Variants in ZDHHC11B observed in about 807,000 individuals in gnomAD.
ZDHHC11B encodes zDHHC palmitoyltransferase 11B (putative).
In ZDHHC11B, 17 loss-of-function variants were observed where a neutral mutation model predicts 42.3. That is an observed-to-expected ratio of 0.40 (90% CI 0.27 to 0.60). The LOEUF (loss-of-function observed/expected upper bound fraction) is 0.60. ZDHHC11B is among the 20% of genes least tolerant of loss of function. ZDHHC11B has a pLI of 0.41. For synonymous variants in ZDHHC11B, 123 were observed against 193.5 expected (o/e 0.64, Z 3.02); for missense variants, 262 against 463.2 (o/e 0.57, Z 3.99).
At chr5:737,149 G>A (rs1189588716) in intron 10 of ZDHHC11B, among the ~76,000 whole-genome samples, 2 of 149,192 alleles carry the variant, frequency 1.3e-5, no homozygotes, top group African/African-American at 2.5e-5. Flanking sequence ...TGATACCACA[G>A]GAATACAAAA....
intron 8 of ZDHHC11B, among the ~76,000 whole-genome samples, chr5:745,708 CTCTG>C (rs1339301591): frequency 2.0e-5 from 3 of 150,106 alleles, no homozygotes. Flanking sequence ...GGAGGGGCCG[CTCTG>C]TCTGAGGGTC....
intron 4 of ZDHHC11B, among the ~76,000 whole-genome samples, chr5:758,998 G>A (rs1484919019): frequency 6.6e-6 from 1 of 151,886 alleles, no homozygotes; most frequent in Non-Finnish European, 1.5e-5. Context: ...GGATAGAGAT[G>A]ACACGGAGCA....
intron 5 of ZDHHC11B, 48 bp downstream of exon 5, chr5:755,918 T>C: frequency 1.5e-6 from 1 of 651,240 alleles, no homozygotes; most frequent in Non-Finnish European, 2.4e-6. Flanking sequence ...ACCAGGACCC[T>C]GGAGGTGACC....
At chr5:776,106 C>T (rs55949966) in intron 1 of ZDHHC11B, among the ~76,000 whole-genome samples, 16 of 149,752 alleles carry the variant, frequency 1.1e-4, no homozygotes, top group African/African-American at 2.7e-4. Context: ...ACCCTCCACC[C>T]CAGGCTGGCT....
Position 766,609 on chromosome 5 carries a change from C to T in ZDHHC11B, c.222+89G>A, listed in dbSNP as rs1735418859. On this transcript the variant is annotated intron_variant, in intron 4 of 13. Coordinates refer to ENST00000508859, the MANE Select transcript of ZDHHC11B (RefSeq NM_001351303.2). ...AGGACAGGTGACTGGTGCCACCGGGCAGCCATGGCCCAGACCCCACAGCCA... is the reference window on the plus strand; with the variant it reads ...AGGACAGGTGACTGGTGCCACCGGGTAGCCATGGCCCAGACCCCACAGCCA... 5 of 1,363,364 alleles carry T rather than the reference C, an allele frequency of 3.7e-6. No individual in the cohort carries two copies. The Admixed American group carries it at 6.3e-5, about 17-fold the overall frequency. The allele number at this position is 1,363,364 out of a possible 1,614,324, so 84.5% of individuals were successfully genotyped here.
rs1735234815 is a variant in ZDHHC11B, at chr5:765,814, A to G, written c.222+884T>C. ...ACATCAGAAGGAACAAACTCCAGAC[A>G]CGCCGCCTTTAAGAACTGTAACACT... On this transcript the variant is annotated intron_variant, in intron 4 of 13. Coordinates refer to ENST00000508859, the MANE Select transcript of ZDHHC11B (RefSeq NM_001351303.2). Among the ~76,000 whole-genome samples, 2 of 152,000 alleles carry G rather than the reference A, an allele frequency of 1.3e-5. 1 individual carries two copies. Among genetic ancestry groups the G allele is most frequent in the South Asian group, 4.2e-4 (2 of 4,794 alleles).
intron 4 of ZDHHC11B, among the ~76,000 whole-genome samples, chr5:760,224 C>A (rs1361535875): frequency 6.6e-6 from 1 of 151,860 alleles, no homozygotes; most frequent in East Asian, 1.9e-4. Context: ...CTCGATCCCC[C>A]ACATAGGTCC....
chr5:736,545 C>A (rs1487653231), intron 10 of ZDHHC11B, among the ~76,000 whole-genome samples: 1 of 148,616 alleles, frequency 6.7e-6, no homozygotes, highest in Non-Finnish European at 1.5e-5. Context: ...ATGGAAAATT[C>A]TCCAAGATAC....
intron 1 of ZDHHC11B, among the ~76,000 whole-genome samples, chr5:771,095 G>T (rs1267522130): frequency 1.3e-5 from 2 of 152,000 alleles, no homozygotes; most frequent in Admixed American, 6.6e-5. Context: ...AGCTGAACAT[G>T]GCCTCTGCCC....
chr5:720,729 G>A (rs1480312489), intron 12 of ZDHHC11B, among the ~76,000 whole-genome samples: 2 of 151,672 alleles, frequency 1.3e-5, no homozygotes, highest in African/African-American at 4.9e-5. Context: ...GTTAATGGGT[G>A]CACACTGTAT....
intron 8 of ZDHHC11B, among the ~76,000 whole-genome samples, chr5:746,439 G>C (rs1207263215): frequency 7.6e-6 from 1 of 131,962 alleles, no homozygotes; most frequent in Non-Finnish European, 1.7e-5. Flanking sequence ...GACAGGCCTG[G>C]GCGTCCTGCT....
Position 724,316 on chromosome 5 carries a change from C to T in ZDHHC11B, c.1058+6118G>A, listed in dbSNP as rs1263506162. On this transcript the variant is annotated intron_variant, in intron 12 of 13. Coordinates refer to ENST00000508859, the MANE Select transcript of ZDHHC11B (RefSeq NM_001351303.2). ...CACCTCCCAGGTTCAAGCGATTCTC[C>T]TGCCTCAGCCTCCCGAGGAATGGGA... Among the ~76,000 whole-genome samples, 12 of 149,382 alleles carry T rather than the reference C, an allele frequency of 8.0e-5. 1 individual carries two copies. Among genetic ancestry groups the T allele is most frequent in the South Asian group, 6.4e-4 (3 of 4,716 alleles).
intron 9 of ZDHHC11B, among the ~76,000 whole-genome samples, chr5:744,766 G>A (rs1744558580): frequency 6.7e-6 from 1 of 149,178 alleles, no homozygotes; most frequent in African/African-American, 2.5e-5. Context: ...AGCTACTTGG[G>A]AGGCTGAGGT....
intron 11 of ZDHHC11B, among the ~76,000 whole-genome samples, chr5:731,291 A>G (rs1346238409): frequency 6.7e-6 from 1 of 149,804 alleles, no homozygotes; most frequent in Non-Finnish European, 1.5e-5. Context: ...TGTTGCCCAT[A>G]GTGGTCTCAA....
intron 1 of ZDHHC11B, among the ~76,000 whole-genome samples, chr5:778,692 G>A (rs1204197504): frequency 1.3e-5 from 2 of 152,074 alleles, no homozygotes; most frequent in African/African-American, 2.4e-5. Flanking sequence ...ACCTTGTTTG[G>A]AGAAAGGATC....
chr5:742,214 C>G (rs1326313671), intron 9 of ZDHHC11B, among the ~76,000 whole-genome samples: 1 of 138,726 alleles, frequency 7.2e-6, no homozygotes, highest in African/African-American at 2.7e-5. Context: ...GAACTCCTGG[C>G]CTCAAGCAAT....
At chr5:715,281 G>A (rs911963421) in intron 13 of ZDHHC11B, among the ~76,000 whole-genome samples, 2 of 150,102 alleles carry the variant, frequency 1.3e-5, no homozygotes, top group Admixed American at 1.3e-4. Flanking sequence ...AGTTTTTGCA[G>A]ATTATTTGCA....
At chr5:745,465 C>A (rs1579318875) in intron 8 of ZDHHC11B, among the ~76,000 whole-genome samples, 167 bp from the exon 9 acceptor site, 1 of 149,876 alleles carries the variant, frequency 6.7e-6, no homozygotes, top group East Asian at 2.1e-4. Context: ...AGTGCAGATG[C>A]CTTGTGGGCC....
intron 13 of ZDHHC11B, among the ~76,000 whole-genome samples, chr5:714,110 G>A (rs867924027): frequency 3.0e-5 from 4 of 132,772 alleles, no homozygotes; most frequent in African/African-American, 1.2e-4. Flanking sequence ...ACACGGACAC[G>A]CGCACGCGTG....
Sources: gnomAD v4.1 joint callset for allele counts (sites outside exome capture counted in the v4.1 genomes callset) on GRCh38, gnomAD v4.1.1 for gene constraint, MANE v1.5 for transcripts, NCBI Gene and HGNC (gene_info 2026-07-23, HGNC 2026-07-21) for gene names.